The following ZNF609 variants were observed in gnomAD, a reference collection of about 807,000 sequenced individuals.
ZNF609 encodes zinc finger protein 609.
A neutral mutation model predicts 109.5 loss-of-function variants in ZNF609; 11 were observed. The ratio of observed to expected loss-of-function variants is 0.10; its 90% CI spans 0.06 to 0.17. ZNF609 has a LOEUF of 0.17. Among genes scored for constraint, ZNF609 ranks in the 10% least tolerant of loss-of-function variants. ZNF609 has a pLI of 1.00. For synonymous variants in ZNF609, 646 were observed against 662.0 expected (o/e 0.98, Z 0.37); for missense variants, 1,559 against 1,772.4 (o/e 0.88, Z 2.16).
chr15:64,648,130 C>T (rs975964072), intron 3 of ZNF609, among the ~76,000 whole-genome samples: 2 of 152,022 alleles, frequency 1.3e-5, no homozygotes, highest in African/African-American at 2.4e-5. Context: ...TGTTTTACAC[C>T]GAAAATACGA....
intron 2 of ZNF609, among the ~76,000 whole-genome samples, chr15:64,602,089 A>G (rs1895506252): frequency 6.6e-6 from 1 of 152,220 alleles, no homozygotes; most frequent in African/African-American, 2.4e-5. Flanking sequence ...GTAGGCATAC[A>G]ATAAATTCTA....
chr15:64,521,421 GT>G (rs1893889786), intron 2 of ZNF609, among the ~76,000 whole-genome samples: 1 of 152,170 alleles, frequency 6.6e-6, no homozygotes, highest in Non-Finnish European at 1.5e-5. Flanking sequence ...CTTGGACCTG[GT>G]CTCTGGGGTG....
At chr15:64,543,043 C>G (rs1464688751) in intron 2 of ZNF609, among the ~76,000 whole-genome samples, 1 of 152,152 alleles carries the variant, frequency 6.6e-6, no homozygotes, top group Non-Finnish European at 1.5e-5. Flanking sequence ...CCTAATCCAT[C>G]TGAGGCTTAA....
chr15:64,646,403 G>T (rs1896333905), intron 3 of ZNF609, among the ~76,000 whole-genome samples: 1 of 151,880 alleles, frequency 6.6e-6, no homozygotes, highest in South Asian at 2.1e-4. Flanking sequence ...GGCCGAGGTG[G>T]GTGGATCAGC....
chr15:64,681,340 A>G lies in ZNF609; in HGVS notation c.4194A>G (p.Gln1398=), dbSNP rs140925074. The part of the protein sequence containing the change: ...GLSSTAIVAS[Q]QGSTPSLYPP... ...CTTCTACAGCCATTGTTGCCAGCCA[A>G]CAAGGCTCAACTCCCTCACTCTACC... The change falls in exon 9 of 10, where the codon CAA becomes CAG. Residue 1398 remains glutamine (Q), a synonymous_variant. Coordinates refer to ENST00000326648, the MANE Select transcript of ZNF609 (RefSeq NM_015042.2). The G allele has an allele frequency of 4.5e-5, 73 of 1,614,162 alleles. No homozygotes were observed. In the East Asian group the frequency reaches 6.0e-4, roughly 13 times the overall value.
intron 3 of ZNF609, among the ~76,000 whole-genome samples, chr15:64,663,551 G>A (rs894197703): frequency 6.6e-6 from 1 of 152,132 alleles, no homozygotes; most frequent in Admixed American, 6.6e-5. Context: ...GGAGTTTAGG[G>A]GAGAGGTTGG....
At chr15:64,546,750 A>G (rs1894369087) in intron 2 of ZNF609, among the ~76,000 whole-genome samples, 1 of 150,788 alleles carries the variant, frequency 6.6e-6, no homozygotes, top group African/African-American at 2.4e-5. Flanking sequence ...CTGGGATTAC[A>G]GGCATGAGCC....
chr15:64,650,195 G>A (rs1473433157), intron 3 of ZNF609, among the ~76,000 whole-genome samples: 1 of 151,274 alleles, frequency 6.6e-6, no homozygotes, highest in Non-Finnish European at 1.5e-5. Context: ...CCTGAGCTCA[G>A]TAGTTCGGGA....
rs2083238344 is a variant in ZNF609 at position 64,686,032 on chromosome 15, T to G, written c.*4346T>G. The G allele has an allele frequency of 6.6e-6, 1 of 152,230 alleles. No homozygotes were observed. Among genetic ancestry groups the G allele is most frequent in the Non-Finnish European group, 1.5e-5 (1 of 68,044 alleles). The allele number at this position is 152,230 out of a possible 1,614,324, so 9.4% of individuals were successfully genotyped here. On this transcript the variant is annotated 3_prime_UTR_variant, in exon 10 of 10. Transcript: ENST00000326648. ...ATATATTTTTAAATTATTTGTTGTA[T>G]TTATTGAATAAAGTTTTTAATGTCC...
At chr15:64,473,642 G>T (rs1409164443) in intron 1 of ZNF609, among the ~76,000 whole-genome samples, 4 of 151,434 alleles carry the variant, frequency 2.6e-5, no homozygotes, top group Non-Finnish European at 5.9e-5. Context: ...GTCTTGCTCT[G>T]TCACCCAGAC....
intron 4 of ZNF609, among the ~76,000 whole-genome samples, chr15:64,672,322 AC>A (rs1397290054): frequency 6.7e-6 from 1 of 148,998 alleles, no homozygotes; most frequent in Non-Finnish European, 1.5e-5. Flanking sequence ...CAAGGCTTAG[AC>A]TTTTATAAGA....
At position 64,685,389 on chromosome 15, in the gene ZNF609, T is replaced by A. The variant is rs1263745603; in HGVS notation, c.*3703T>A. The A allele has an allele frequency of 6.5e-6, 1 of 152,776 alleles. No homozygotes were observed. Among genetic ancestry groups the A allele is most frequent in the Non-Finnish European group, 1.5e-5 (1 of 68,138 alleles). The allele number at this position is 152,776 out of a possible 1,614,324, so 9.5% of individuals were successfully genotyped here. Reference sequence around the variant, plus strand: ...TCCTGGCCCTGCTCCATATGCATCCTCAGCTTCACTTTCCCTGGCTGATGG... The same window carrying A: ...TCCTGGCCCTGCTCCATATGCATCCACAGCTTCACTTTCCCTGGCTGATGG... On this transcript the variant is annotated 3_prime_UTR_variant, in exon 10 of 10. Coordinates refer to ENST00000326648, the MANE Select transcript of ZNF609 (RefSeq NM_015042.2).
chr15:64,650,170 G>A lies in ZNF609; in HGVS notation c.974-20176G>A, dbSNP rs148741364. Among the ~76,000 whole-genome samples, 910 of 151,148 alleles carry A rather than the reference G, an allele frequency of 6.0e-3. 9 individuals carry two copies. The highest frequency in any genetic ancestry group is 0.021 in the African/African-American group (855 of 41,172). ...TGTAATCCTAGCACTTTGGGAGGCC[G>A]AGGCCGGTGGATTTCCTGAGCTCAG... is the stretch of plus-strand genomic sequence containing the variant. On this transcript the variant is annotated intron_variant, in intron 3 of 9. Coordinates refer to ENST00000326648, the MANE Select transcript of ZNF609 (RefSeq NM_015042.2).
chr15:64,493,184 C>T (rs1893438097), intron 1 of ZNF609, among the ~76,000 whole-genome samples: 1 of 152,016 alleles, frequency 6.6e-6, no homozygotes, highest in South Asian at 2.1e-4. Flanking sequence ...ACAGAGATCT[C>T]TCGGGGGTGA....
chr15:64,486,506 A>G (rs1179076457), intron 1 of ZNF609, among the ~76,000 whole-genome samples: 5 of 146,778 alleles, frequency 3.4e-5, no homozygotes, highest in African/African-American at 1.2e-4. Context: ...CCCAGGTGAC[A>G]GAGTGAGACT....
In ZNF609 at chr15:64,675,108, C is replaced by A. The variant is rs1340416618; in HGVS notation, c.2254C>A (p.Arg752=). Residue 752 remains arginine (R), a synonymous_variant, in exon 5 of 10, where the codon CGA becomes AGA. Coordinates refer to ENST00000326648, the MANE Select transcript of ZNF609 (RefSeq NM_015042.2). ...ESPLTPGKVC[R]AEEGKSPFRE... ...TCCTCTGACCCCTGGGAAGGTGTGT[C>A]GAGCAGAGGAAGGCAAAAGCCCATT... is the stretch of plus-strand genomic sequence containing the variant. 1.9e-6 allele frequency: 3 copies of A among 1,614,048 alleles called. No individual in the cohort carries two copies. Among genetic ancestry groups the A allele is most frequent in the Non-Finnish European group, 2.5e-6 (3 of 1,180,032 alleles).
chr15:64,539,221 G>GTT (rs1894206975), intron 2 of ZNF609, among the ~76,000 whole-genome samples: 2 of 133,334 alleles, frequency 1.5e-5, no homozygotes, highest in African/African-American at 5.6e-5. Context: ...TTTTTATTTT[G>GTT]TTTTGAGATG....
chr15:64,567,792 G>A (rs1894800803), intron 2 of ZNF609, among the ~76,000 whole-genome samples: 1 of 151,964 alleles, frequency 6.6e-6, no homozygotes, highest in African/African-American at 2.4e-5. Flanking sequence ...CTCCTGAGTA[G>A]CTGGGACTAC....
intron 2 of ZNF609, among the ~76,000 whole-genome samples, chr15:64,541,477 G>T (rs1367528239): frequency 6.6e-6 from 1 of 151,154 alleles, no homozygotes; most frequent in Non-Finnish European, 1.5e-5. Context: ...AGAATAATTG[G>T]CAGAGTGGTA....
Sources: allele counts gnomAD v4.1 joint callset (sites outside exome capture counted in the v4.1 genomes callset), GRCh38; gene constraint gnomAD v4.1.1; transcripts MANE v1.5; gene names NCBI Gene and HGNC (gene_info 2026-07-23, HGNC 2026-07-21).